The following ACVR1C variants were observed in gnomAD, a reference collection of about 807,000 sequenced individuals.
The protein encoded by ACVR1C is activin receptor type-1C.
ACVR1C carries 23 observed loss-of-function variants against 57.9 expected under a neutral mutation model. That is an observed-to-expected ratio of 0.40 (90% CI 0.29 to 0.56). ACVR1C has a LOEUF of 0.56. Among genes scored for constraint, ACVR1C ranks in the 20% least tolerant of loss-of-function variants. ACVR1C has a pLI of 0.50. For missense variants in ACVR1C, 480 were observed against 607.9 expected, an observed-to-expected ratio of 0.79 and a Z score of 2.21; for synonymous variants, 214 against 215.3, an observed-to-expected ratio of 0.99 and a Z score of 0.05.
At chr2:157,583,062 T>C (rs374178377) in intron 2 of ACVR1C, among the ~76,000 whole-genome samples, 9 of 152,006 alleles carry the variant, frequency 5.9e-5, no homozygotes, top group African/African-American at 2.2e-4. Flanking sequence ...GGTTTCACCA[T>C]GTTGGCCAGG....
chr2:157,585,365 A>G (rs535370095), intron 2 of ACVR1C, among the ~76,000 whole-genome samples: 2 of 152,170 alleles, frequency 1.3e-5, no homozygotes, highest in African/African-American at 4.8e-5. Flanking sequence ...ACCTTAATAC[A>G]GTTGATTTTT....
intron 2 of ACVR1C, among the ~76,000 whole-genome samples, chr2:157,580,590 G>T (rs1688767555): frequency 6.6e-6 from 1 of 152,116 alleles, no homozygotes; most frequent in Non-Finnish European, 1.5e-5. Flanking sequence ...TAAAAATGCT[G>T]AATAAAATAT....
intron 2 of ACVR1C, 105 bp downstream of exon 2, chr2:157,587,082 C>T: frequency 9.3e-7 from 1 of 1,070,256 alleles, no homozygotes; most frequent in Non-Finnish European, 1.3e-6. Flanking sequence ...AACTGTAAAA[C>T]AGATTTTCCT....
intron 2 of ACVR1C, among the ~76,000 whole-genome samples, chr2:157,584,765 C>T (rs766459216): frequency 6.6e-6 from 1 of 152,152 alleles, no homozygotes; most frequent in Non-Finnish European, 1.5e-5. Flanking sequence ...AGCACGTATC[C>T]AAAGACTTGT....
At chr2:157,603,130 T>G (rs1389627148) in intron 1 of ACVR1C, among the ~76,000 whole-genome samples, 1 of 152,178 alleles carries the variant, frequency 6.6e-6, no homozygotes, top group Non-Finnish European at 1.5e-5. Flanking sequence ...TGGTCTGAAA[T>G]AGGCTAGCAT....
intron 2 of ACVR1C, among the ~76,000 whole-genome samples, chr2:157,574,693 T>C (rs1037654682): frequency 1.3e-5 from 2 of 152,158 alleles, no homozygotes; most frequent in African/African-American, 4.8e-5. Context: ...TTACGTTAAT[T>C]AGAATTGGGT....
At chr2:157,565,005 C>T (rs1021519683) in intron 2 of ACVR1C, among the ~76,000 whole-genome samples, 1 of 152,028 alleles carries the variant, frequency 6.6e-6, no homozygotes, top group African/African-American at 2.4e-5. Context: ...ATAGCCAATG[C>T]ATGCGGGGCT....
chr2:157,540,088 A>G (rs1243579430), intron 7 of ACVR1C, among the ~76,000 whole-genome samples: 2 of 152,248 alleles, frequency 1.3e-5, no homozygotes, highest in East Asian at 3.8e-4. Context: ...AAAGCTTCAC[A>G]TGAATTAATT....
intron 1 of ACVR1C, among the ~76,000 whole-genome samples, chr2:157,626,821 A>G (rs566311071): frequency 1.3e-5 from 2 of 152,370 alleles, no homozygotes; most frequent in Admixed American, 1.3e-4. Context: ...ATTGCACTTG[A>G]CATAGAAAAG....
rs777766092 is a variant in ACVR1C, at chr2:157,550,382, C to A, written c.555G>T (p.Leu185=). Residue 185 remains leucine (L), a synonymous_variant, in exon 4 of 9, where the codon CTG becomes CTT. Coordinates refer to ENST00000243349, the MANE Select transcript of ACVR1C (RefSeq NM_145259.3). The stretch of plus-strand genomic sequence containing the variant: ...TCCTTGCAATTGTCCTTTGAACCAA[C>A]AGAGGTAGACCTAACCAAAGAAAAG... ...TASGSGSGLP[L]LVQRTIARTI... is the part of the protein sequence containing the mutation. 28 of 1,613,938 alleles carry A rather than the reference C, an allele frequency of 1.7e-5. No homozygotes were observed. The South Asian group carries it at 3.0e-4, about 17-fold the overall frequency.
chr2:157,585,295 T>A (rs1457171640), intron 2 of ACVR1C, among the ~76,000 whole-genome samples: 2 of 152,288 alleles, frequency 1.3e-5, no homozygotes, highest in East Asian at 3.9e-4. Flanking sequence ...AAAGAAACTA[T>A]TTTTTTGTAA....
Position 157,610,304 on chromosome 2 carries a change from T to C in ACVR1C, c.73+18268A>G, listed in dbSNP as rs1682503899. ...ATTTCTCCTTCATTGATGAAGGATATTCTCACTGGATATAGTTTTCTTGTG... is the reference window on the plus strand; with the variant it reads ...ATTTCTCCTTCATTGATGAAGGATACTCTCACTGGATATAGTTTTCTTGTG... On this transcript the variant is annotated intron_variant, in intron 1 of 8. Transcript: ENST00000243349. Among the ~76,000 whole-genome samples the C allele has an allele frequency of 2.0e-5, 3 of 152,154 alleles. 1 individual carries two copies. In the South Asian group the frequency reaches 6.2e-4, roughly 31 times the overall value.
chr2:157,577,851 T>C (rs1251782904), intron 2 of ACVR1C, among the ~76,000 whole-genome samples: 1 of 152,136 alleles, frequency 6.6e-6, no homozygotes, highest in Non-Finnish European at 1.5e-5. Flanking sequence ...TTGGTTTTTC[T>C]GTTTGTTTTG....
At chr2:157,608,603 G>A (rs576181380) in intron 1 of ACVR1C, among the ~76,000 whole-genome samples, 2 of 151,774 alleles carry the variant, frequency 1.3e-5, no homozygotes, top group South Asian at 2.1e-4. Flanking sequence ...CAGTGAATAC[G>A]TCTAGTCCTG....
At chr2:157,537,149 C>A (rs960146387) in intron 8 of ACVR1C, among the ~76,000 whole-genome samples, 3 of 151,878 alleles carry the variant, frequency 2.0e-5, no homozygotes, top group Admixed American at 6.6e-5. Context: ...AAGTAAACAA[C>A]ATATTGTTAT....
Position 157,556,117 on chromosome 2 carries a change from C to T in ACVR1C, c.520G>A (p.Val174Met). 2 of 1,614,056 alleles carry T rather than the reference C, an allele frequency of 1.2e-6. No individual in the cohort carries two copies. The highest frequency in any genetic ancestry group is 1.7e-6 in the Non-Finnish European group (2 of 1,179,952). ...CCAGAGCCAGATCCAGAGGCGGTCA[C>T]ATCATAAATCAGATCTTTCAGAGTT... Reference protein sequence around the residue: ...GKTLKDLIYDVTASGSGSGLP... With the variant: ...GKTLKDLIYDMTASGSGSGLP... The change falls in exon 3 of 9, where the codon GTG becomes ATG. Residue 174 changes from valine to methionine, a missense_variant. Val to Met is a conservative substitution (Grantham distance 21, BLOSUM62 1). Transcript: ENST00000243349.
chr2:157,591,914 T>C (rs1222337507), intron 1 of ACVR1C, among the ~76,000 whole-genome samples: 1 of 152,052 alleles, frequency 6.6e-6, no homozygotes. Context: ...ACTCAAGCAA[T>C]GGTACCTTTC....
chr2:157,620,519 T>G (rs1001587655), intron 1 of ACVR1C, among the ~76,000 whole-genome samples: 2 of 152,174 alleles, frequency 1.3e-5, no homozygotes, highest in Non-Finnish European at 2.9e-5. Context: ...AATCTGGTTT[T>G]TTTAAGCTGT....
intron 3 of ACVR1C, among the ~76,000 whole-genome samples, chr2:157,553,389 T>C (rs1466594446): frequency 1.4e-5 from 2 of 145,682 alleles, no homozygotes; most frequent in African/African-American, 5.5e-5. Context: ...CTTGGGTACA[T>C]TTACTACTTT....
Sources: gnomAD v4.1 joint callset for allele counts (sites outside exome capture counted in the v4.1 genomes callset) on GRCh38, gnomAD v4.1.1 for gene constraint, MANE v1.5 for transcripts, NCBI Gene and HGNC (gene_info 2026-07-23, HGNC 2026-07-21) for gene names.